CCDC18: variants seen among roughly 807,000 people sequenced by gnomAD.
CCDC18 encodes coiled-coil domain-containing protein 18.
CCDC18 carries 157 observed loss-of-function variants against 196.0 expected under a neutral mutation model. The ratio of observed to expected loss-of-function variants is 0.80; its 90% CI spans 0.70 to 0.91. The LOEUF is 0.91. CCDC18 is among the 40% of genes least tolerant of loss of function. The pLI is 0.00. For synonymous variants in CCDC18, 482 were observed against 529.2 expected (o/e 0.91, Z 1.22); for missense variants, 1,465 against 1,611.6 (o/e 0.91, Z 1.56).
At position 93,236,301 on chromosome 1, in the gene CCDC18, G is replaced by T; in HGVS notation, c.2514G>T (p.Lys838Asn). 8 of 1,580,386 alleles carry T rather than the reference G, an allele frequency of 5.1e-6. No individual in the cohort carries two copies. Among genetic ancestry groups the T allele is most frequent in the Non-Finnish European group, 6.8e-6 (8 of 1,169,764 alleles). ...AACAAAGGGAAAGTTCAGCTGAAAA[G>T]TTGAGAAAAATGGAGGAGAAATGTG... is the stretch of plus-strand genomic sequence containing the variant. ...LQKQRESSAE[K>N]LRKMEEKCES... is the part of the protein sequence containing the mutation. The change falls in exon 19 of 29, where the codon AAG becomes AAT. Residue 838 changes from lysine (K) to asparagine (N), a missense_variant. Lys to Asn is a moderately conservative substitution (Grantham distance 94, BLOSUM62 0). Transcript: ENST00000690025.
chr1:93,240,276 G>C (rs188945587), intron 21 of CCDC18, among the ~76,000 whole-genome samples: 196 of 152,244 alleles, frequency 1.3e-3, no homozygotes, highest in Non-Finnish European at 2.2e-3. Flanking sequence ...ACACCTATTA[G>C]AAACATATAT....
chr1:93,232,215 A>G (rs761564926), intron 17 of CCDC18, among the ~76,000 whole-genome samples: 2 of 152,214 alleles, frequency 1.3e-5, no homozygotes, highest in Non-Finnish European at 2.9e-5. Context: ...CCAGACACCA[A>G]CCAAGAGCAA....
intron 12 of CCDC18, among the ~76,000 whole-genome samples, chr1:93,215,233 A>G (rs1426717017): frequency 6.6e-6 from 1 of 152,162 alleles, no homozygotes; most frequent in African/African-American, 2.4e-5. Context: ...GCAGCCTATT[A>G]TTTCTTCCAT....
chr1:93,278,265 G>A (rs1260045942), intron 28 of CCDC18, among the ~76,000 whole-genome samples, 198 bp from the exon 29 acceptor site: 2 of 152,174 alleles, frequency 1.3e-5, no homozygotes, highest in Non-Finnish European at 2.9e-5. Flanking sequence ...TGGGATTACA[G>A]GCAGTGAGCC....
At chr1:93,180,341 G>C, upstream of CCDC18, 4 of 1,407,966 alleles carry the variant, frequency 2.8e-6, no homozygotes, top group Non-Finnish European at 3.8e-6. Flanking sequence ...GGGAAATCTG[G>C]AGTCTGAAGA....
At chr1:93,186,193 C>A in intron 3 of CCDC18, 152 bp from the exon 4 acceptor site, 1 of 671,926 alleles carries the variant, frequency 1.5e-6, no homozygotes, top group Non-Finnish European at 2.5e-6. Context: ...TTGATTGTTC[C>A]ACATATCCTT....
chr1:93,221,741 G>T lies in CCDC18; in HGVS notation c.2095G>T (p.Gly699Trp). ...AGATAGACTCTTGACGGAAAGCAAAGGGGTAAAATCATCCTTATAAAAGTG... is the reference window on the plus strand; with the variant it reads ...AGATAGACTCTTGACGGAAAGCAAATGGGTAAAATCATCCTTATAAAAGTG... The part of the protein sequence containing the change: ...SLDRLLTESK[G>W]EMKKENMKKD... The change falls in exon 15 of 29, where the codon GGG (glycine) becomes TGG (tryptophan). Residue 699 changes from glycine to tryptophan, a missense_variant and splice_region_variant. Coordinates refer to ENST00000690025, the MANE Select transcript of CCDC18 (RefSeq NM_001378204.1). 6.3e-7 allele frequency: 1 copy of T among 1,596,444 alleles called. No homozygotes were observed. The highest frequency in any genetic ancestry group is 8.5e-7 in the Non-Finnish European group (1 of 1,175,588).
chr1:93,278,162 T>C (rs1370125126), intron 28 of CCDC18, among the ~76,000 whole-genome samples: 1 of 151,778 alleles, frequency 6.6e-6, no homozygotes, highest in Non-Finnish European at 1.5e-5. Context: ...AATTTTTGTA[T>C]GTTTTAGTAG....
Position 93,270,459 on chromosome 1 carries a change from A to C in CCDC18, c.3998A>C (p.Gln1333Pro). 1 of 1,550,422 alleles carries C rather than the reference A, an allele frequency of 6.4e-7. No homozygotes were observed. Among genetic ancestry groups the C allele is most frequent in the Non-Finnish European group, 8.7e-7 (1 of 1,146,874 alleles). Reference protein sequence around the residue: ...TSPTEIMPDVQDPKFAKCFHT... With the variant: ...TSPTEIMPDVPDPKFAKCFHT... The stretch of plus-strand genomic sequence containing the variant: ...CCAACAGAAATTATGCCTGATGTTC[A>C]AGATCCAAAATTTGCTAAATGTTTT... Residue 1333 changes from glutamine (Q) to proline (P), a missense_variant, in exon 28 of 29, where the codon CAA becomes CCA. Transcript: ENST00000690025.
At position 93,264,705 on chromosome 1, in the gene CCDC18, T is replaced by C; in HGVS notation, c.3689T>C (p.Ile1230Thr). ...SLKEAYHMEM[I>T]SHQENHAKWK... ...TCCAATTCTGGGGCTATATAGATGA[T>C]TTCACATCAAGAGAACCATGCAAAG... Residue 1230 changes from isoleucine to threonine, a missense_variant, in exon 27 of 29, where the codon ATT (isoleucine) becomes ACT (threonine). Physicochemically the swap from Ile to Thr is moderately conservative, Grantham distance 89 (BLOSUM62 -1). Transcript: ENST00000690025. 6.2e-7 allele frequency: 1 copy of C among 1,603,460 alleles called. No homozygotes were observed. The highest frequency in any genetic ancestry group is 8.5e-7 in the Non-Finnish European group (1 of 1,171,914).
chr1:93,202,088 G>A, intron 7 of CCDC18, 100 bp downstream of exon 7: 1 of 573,600 alleles, frequency 1.7e-6, no homozygotes, highest in Non-Finnish European at 2.9e-6. Context: ...GAGACAGAGA[G>A]TAATTTTTAT....
chr1:93,180,531 A>T (rs376313603), upstream of CCDC18: 2 of 1,516,866 alleles, frequency 1.3e-6, no homozygotes, highest in Non-Finnish European at 1.8e-6. Context: ...TCCGGTTCCC[A>T]TGGCTTCCCC....
At chr1:93,220,477 A>G (rs1333582608) in intron 14 of CCDC18, among the ~76,000 whole-genome samples, 1 of 152,224 alleles carries the variant, frequency 6.6e-6, no homozygotes, top group Non-Finnish European at 1.5e-5. Flanking sequence ...TTTGGTAAAT[A>G]TAGGATTTTT....
At chr1:93,214,264 C>T (rs1403611488) in intron 11 of CCDC18, among the ~76,000 whole-genome samples, 1 of 152,080 alleles carries the variant, frequency 6.6e-6, no homozygotes, top group African/African-American at 2.4e-5. Context: ...TTCTCATTAG[C>T]TAGTTTGGAG....
chr1:93,180,666 C>A (rs1254279521), upstream of CCDC18: 13 of 1,328,912 alleles, frequency 9.8e-6, no homozygotes, highest in Non-Finnish European at 1.3e-5. Context: ...GCGCCTCACG[C>A]AGTCTGCGCC....
intron 19 of CCDC18, 110 bp downstream of exon 19, chr1:93,236,500 C>A: frequency 9.9e-7 from 1 of 1,013,434 alleles, no homozygotes; most frequent in Admixed American, 2.9e-5. Context: ...TTAATGTCTC[C>A]ATAGTCTGTG....
chr1:93,219,378 G>A (rs961610850), intron 14 of CCDC18, among the ~76,000 whole-genome samples: 8 of 152,062 alleles, frequency 5.3e-5, no homozygotes, highest in African/African-American at 1.9e-4. Context: ...CTTAAAGGAA[G>A]CATGCTATGT....
At chr1:93,256,758 A>G (rs1663014813) in intron 25 of CCDC18, among the ~76,000 whole-genome samples, 1 of 152,198 alleles carries the variant, frequency 6.6e-6, no homozygotes, top group African/African-American at 2.4e-5. Flanking sequence ...TTATATATAG[A>G]TAACTTTGTA....
intron 18 of CCDC18, among the ~76,000 whole-genome samples, chr1:93,234,360 C>T (rs187636826): frequency 1.8e-3 from 276 of 152,060 alleles, no homozygotes; most frequent in Non-Finnish European, 3.1e-3. Flanking sequence ...CGGGGTTTCA[C>T]CATGTTGGCC....
Sources: allele counts gnomAD v4.1 joint callset (sites outside exome capture counted in the v4.1 genomes callset), GRCh38; gene constraint gnomAD v4.1.1; transcripts MANE v1.5; gene names NCBI Gene and HGNC (gene_info 2026-07-23, HGNC 2026-07-21).